Variants in MGAT4C observed in about 807,000 individuals in gnomAD.
The protein encoded by MGAT4C is alpha-1,3-mannosyl-glycoprotein 4-beta-N-acetylglucosaminyltransferase C.
MGAT4C carries 19 observed loss-of-function variants against 40.1 expected under a neutral mutation model. The observed-to-expected ratio is 0.47, with a 90% confidence interval of 0.33 to 0.70. The LOEUF is 0.70. MGAT4C is among the 30% of genes least tolerant of loss of function. The pLI is 0.02. For missense variants in MGAT4C, 491 were observed against 563.2 expected, an observed-to-expected ratio of 0.87 and a Z score of 1.30; for synonymous variants, 181 against 187.1, an observed-to-expected ratio of 0.97 and a Z score of 0.27.
chr12:86,134,975 T>C (rs529686615), intron 1 of MGAT4C, among the ~76,000 whole-genome samples: 2 of 152,246 alleles, frequency 1.3e-5, no homozygotes, highest in East Asian at 1.9e-4. Context: ...CAGGAACAAA[T>C]CTATAGGATA....
intron 2 of MGAT4C, among the ~76,000 whole-genome samples, chr12:86,446,144 G>T (rs920389403): frequency 2.0e-5 from 3 of 151,944 alleles, no homozygotes; most frequent in Non-Finnish European, 2.9e-5. Flanking sequence ...AATTTATTGT[G>T]ATTTATGTTC....
intron 1 of MGAT4C, among the ~76,000 whole-genome samples, chr12:86,074,848 A>T (rs1025613136): frequency 6.6e-6 from 1 of 152,178 alleles, no homozygotes; most frequent in African/African-American, 2.4e-5. Flanking sequence ...CCATGAAAAC[A>T]GTATGAGGAA....
intron 1 of MGAT4C, among the ~76,000 whole-genome samples, chr12:86,091,955 A>C (rs751431750): frequency 9.9e-5 from 15 of 152,098 alleles, no homozygotes; most frequent in Non-Finnish European, 2.1e-4. Context: ...CTAGTATCAC[A>C]GGAAGAACCA....
At chr12:86,561,726 C>T (rs1959871805) in intron 2 of MGAT4C, among the ~76,000 whole-genome samples, 2 of 152,152 alleles carry the variant, frequency 1.3e-5, no homozygotes, top group African/African-American at 4.8e-5. Context: ...CAATGCTCCT[C>T]AATAAATTCC....
intron 4 of MGAT4C, among the ~76,000 whole-genome samples, chr12:86,270,761 T>C (rs1952925489): frequency 6.6e-6 from 1 of 152,208 alleles, no homozygotes; most frequent in Admixed American, 6.5e-5. Flanking sequence ...CACATCACAC[T>C]ACCTGACTTC....
rs1592927947 is a variant in MGAT4C at position 86,504,190 on chromosome 12, A to G, written c.-228-68925T>C. Among the ~76,000 whole-genome samples the G allele has an allele frequency of 3.3e-5, 5 of 152,198 alleles. No individual in the cohort carries two copies. In the East Asian group the frequency reaches 9.7e-4, roughly 29 times the overall value. On this transcript the variant is annotated intron_variant, in intron 2 of 7. Coordinates refer to the MGAT4C transcript ENST00000548651. ...GCAATACCTAGTGAGGATGTAGAAC[A>G]ATTTTCAGTTTCATATATTATTGGT...
At chr12:86,290,367 A>C (rs954430141) in intron 4 of MGAT4C, among the ~76,000 whole-genome samples, 1 of 152,172 alleles carries the variant, frequency 6.6e-6, no homozygotes, top group Admixed American at 6.5e-5. Flanking sequence ...AAAGCTACGC[A>C]GGAGAGCAGC....
At chr12:86,528,844 A>C (rs572288325) in intron 2 of MGAT4C, among the ~76,000 whole-genome samples, 3 of 152,182 alleles carry the variant, frequency 2.0e-5, no homozygotes, top group Admixed American at 1.3e-4. Flanking sequence ...GACAGTTGAT[A>C]ATTGAAGCTA....
At chr12:86,629,523 TG>T (rs1962951898) in intron 2 of MGAT4C, among the ~76,000 whole-genome samples, 1 of 151,910 alleles carries the variant, frequency 6.6e-6, no homozygotes, top group Non-Finnish European at 1.5e-5. Context: ...CCTCAGAAAA[TG>T]AAAAAGAACA....
intron 2 of MGAT4C, among the ~76,000 whole-genome samples, chr12:86,002,834 G>T (rs1469136067): frequency 1.3e-5 from 2 of 151,792 alleles, no homozygotes; most frequent in South Asian, 4.1e-4. Context: ...AGATTCTCAC[G>T]CTGTCACTCA....
intron 2 of MGAT4C, among the ~76,000 whole-genome samples, chr12:86,674,543 A>T (rs1964343817): frequency 6.6e-6 from 1 of 152,034 alleles, no homozygotes; most frequent in Non-Finnish European, 1.5e-5. Context: ...TAAAAATACA[A>T]GAAACTATCC....
intron 4 of MGAT4C, among the ~76,000 whole-genome samples, chr12:86,289,567 A>T (rs1381456000): frequency 1.3e-5 from 2 of 151,994 alleles, no homozygotes; most frequent in Non-Finnish European, 2.9e-5. Context: ...TGTTTGTGTC[A>T]CTTCTGATGT....
intron 2 of MGAT4C, among the ~76,000 whole-genome samples, chr12:86,566,120 C>T (rs543958691): frequency 1.3e-5 from 2 of 152,148 alleles, no homozygotes; most frequent in Non-Finnish European, 2.9e-5. Context: ...ACAGTTACTT[C>T]GGATTTGGGT....
chr12:86,797,576 C>A (rs1952149576), intron 1 of MGAT4C, among the ~76,000 whole-genome samples: 1 of 151,816 alleles, frequency 6.6e-6, no homozygotes, highest in Admixed American at 6.6e-5. Context: ...CCATGGAGAC[C>A]ACAGGCAGCT....
intron 2 of MGAT4C, among the ~76,000 whole-genome samples, chr12:86,632,005 A>T (rs920223981): frequency 2.0e-5 from 3 of 152,114 alleles, no homozygotes; most frequent in Non-Finnish European, 4.4e-5. Context: ...CAATCTACCC[A>T]TCTGACAAAG....
intron 2 of MGAT4C, among the ~76,000 whole-genome samples, chr12:86,484,467 C>T (rs1461307341): frequency 1.3e-5 from 2 of 152,220 alleles, no homozygotes; most frequent in African/African-American, 4.8e-5. Flanking sequence ...TGGTGCTTTG[C>T]CTGCAGTCCC....
chr12:86,730,525 C>T (rs1412065191), intron 1 of MGAT4C, among the ~76,000 whole-genome samples: 1 of 151,964 alleles, frequency 6.6e-6, no homozygotes, highest in African/African-American at 2.4e-5. Context: ...TCAGCTTGAA[C>T]GTATTCTAAA....
chr12:86,464,901 ATTTATATGATATACTATAAGATTC>A (rs1397194281), intron 2 of MGAT4C, among the ~76,000 whole-genome samples: 4 of 152,112 alleles, frequency 2.6e-5, no homozygotes, highest in African/African-American at 9.7e-5. Flanking sequence ...AATGCATTAT[ATTTATATGATATACTATAAGATTC>A]TTTGATATTC....
chr12:85,997,667 T>A (rs539497586), intron 2 of MGAT4C, among the ~76,000 whole-genome samples: 1 of 152,288 alleles, frequency 6.6e-6, no homozygotes, highest in African/African-American at 2.4e-5. Context: ...ATCTTAAGGC[T>A]CCAAAATTAT....
Sources: allele counts gnomAD v4.1 joint callset (sites outside exome capture counted in the v4.1 genomes callset), GRCh38; gene constraint gnomAD v4.1.1; transcripts MANE v1.5; gene names NCBI Gene and HGNC (gene_info 2026-07-23, HGNC 2026-07-21).